The following PACRG variants were observed in gnomAD, a reference collection of about 807,000 sequenced individuals.
PACRG encodes the protein parkin coregulated.
In PACRG, 29 loss-of-function variants were observed where a neutral mutation model predicts 29.7. The ratio of observed to expected loss-of-function variants is 0.98; its 90% CI spans 0.73 to 1.33. The LOEUF (loss-of-function observed/expected upper bound fraction) is 1.33. Ranked by LOEUF, PACRG falls within the 40% of genes most tolerant of loss-of-function variation. The pLI, the probability that PACRG is intolerant of heterozygous loss-of-function variation, is 0.00. For missense variants in PACRG, 279 were observed against 316.2 expected (o/e 0.88, Z 0.89); for synonymous variants, 116 against 118.7 (o/e 0.98, Z 0.15).
At chr6:162,743,175 C>T (rs1208642200) in intron 1 of PACRG, among the ~76,000 whole-genome samples, 1 of 152,100 alleles carries the variant, frequency 6.6e-6, no homozygotes, top group African/African-American at 2.4e-5. Context: ...CTTATTTTGA[C>T]AAATGTCTAT....
At chr6:163,233,293 G>A (rs1782117770) in intron 4 of PACRG, among the ~76,000 whole-genome samples, 1 of 152,210 alleles carries the variant, frequency 6.6e-6, no homozygotes, top group African/African-American at 2.4e-5. Flanking sequence ...AGAGATGGCT[G>A]AACTGATTGA....
At chr6:162,922,153 A>G (rs1300390663) in intron 2 of PACRG, among the ~76,000 whole-genome samples, 1 of 151,268 alleles carries the variant, frequency 6.6e-6, no homozygotes, top group African/African-American at 2.4e-5. Flanking sequence ...TCTCTTAGGA[A>G]TTTCCGCCTT....
intron 3 of PACRG, among the ~76,000 whole-genome samples, chr6:163,078,517 G>A (rs1380322116): frequency 2.0e-5 from 3 of 150,152 alleles, no homozygotes. Context: ...GGGGAGGGGG[G>A]CAATGATGAT....
At chr6:162,941,484 A>G (rs1798627883) in intron 2 of PACRG, among the ~76,000 whole-genome samples, 1 of 152,176 alleles carries the variant, frequency 6.6e-6, no homozygotes, top group African/African-American at 2.4e-5. Flanking sequence ...ATCACAGTGA[A>G]AGGAAATCAG....
intron 1 of PACRG, among the ~76,000 whole-genome samples, chr6:162,787,558 T>TG (rs1554279205): frequency 2.5e-5 from 2 of 78,884 alleles, no homozygotes; most frequent in African/African-American, 5.0e-5. Flanking sequence ...TATATGGTTA[T>TG]TGTGTGTGTG....
intron 4 of PACRG, among the ~76,000 whole-genome samples, chr6:163,299,610 G>A (rs375123554): frequency 5.3e-5 from 8 of 152,348 alleles, no homozygotes; most frequent in Admixed American, 1.3e-4. Flanking sequence ...GGCCGGGCAC[G>A]GTGCTCGTGC....
At chr6:162,792,249 AG>A (rs1480126219) in intron 1 of PACRG, among the ~76,000 whole-genome samples, 1 of 152,090 alleles carries the variant, frequency 6.6e-6, no homozygotes, top group African/African-American at 2.4e-5. Context: ...GGTGAGTGCA[AG>A]GGAGAGATTG....
intron 1 of PACRG, among the ~76,000 whole-genome samples, chr6:162,789,175 GA>G (rs764265650): frequency 1.3e-5 from 2 of 152,264 alleles, no homozygotes; most frequent in South Asian, 2.1e-4. Context: ...AGATCTAAAA[GA>G]ATGGAAAATA....
At chr6:163,237,391 A>G (rs1782291300) in intron 4 of PACRG, among the ~76,000 whole-genome samples, 1 of 152,132 alleles carries the variant, frequency 6.6e-6, no homozygotes, top group Admixed American at 6.5e-5. Context: ...ATGGATTTTT[A>G]TCTTAGCAAG....
intron 4 of PACRG, chr6:163,101,150 C>G: frequency 1.0e-6 from 1 of 984,480 alleles, no homozygotes; most frequent in Non-Finnish European, 1.2e-6. Context: ...AACTCTGCCT[C>G]TGCCCCCGCC....
chr6:162,791,902 C>A (rs971769619), intron 1 of PACRG, among the ~76,000 whole-genome samples: 3 of 152,114 alleles, frequency 2.0e-5, no homozygotes, highest in African/African-American at 7.2e-5. Flanking sequence ...CAGGAGGCTC[C>A]TGTGTGATGT....
intron 2 of PACRG, among the ~76,000 whole-genome samples, chr6:162,867,425 C>T (rs73786120): frequency 0.032 from 4,838 of 152,158 alleles, 262 homozygotes; most frequent in African/African-American, 0.11. Flanking sequence ...CTGTGGGAAA[C>T]ACAGTGGCCT....
rs750025768 is a variant in PACRG at position 163,275,988 on chromosome 6, T to TTTCCTTCCTTCC, written c.614-38827_614-38816dup. ...ATTGCTTTTTTTTTTTATTATTCTC[T>TTTCCTTCCTTCC]TTCCTTCCTTCCTTCCTTCCTTCTT... On this transcript the variant is annotated intron_variant, in intron 4 of 4. Transcript: ENST00000366888. 6.4e-5 allele frequency among the ~76,000 whole-genome samples: 9 copies of TTTCCTTCCTTCC among 139,690 alleles called. 1 individual carries two copies. In the East Asian group the frequency reaches 1.4e-3, roughly 22 times the overall value. The allele number at this position is 139,690 out of a possible 152,430, so 91.6% of individuals were successfully genotyped here. A position where few individuals can be genotyped will look rare whatever the true frequency, so the allele number is the denominator to read the frequency against.
At chr6:163,291,695 T>A (rs1002932066) in intron 4 of PACRG, among the ~76,000 whole-genome samples, 3 of 152,218 alleles carry the variant, frequency 2.0e-5, no homozygotes, top group African/African-American at 7.2e-5. Context: ...AGCACCAACA[T>A]TGCTAGCGCT....
intron 4 of PACRG, among the ~76,000 whole-genome samples, chr6:163,154,697 G>A (rs547137996): frequency 1.1e-3 from 160 of 152,258 alleles, no homozygotes; most frequent in South Asian, 4.8e-3. Context: ...TTAAATATAA[G>A]TATGTGTCAT....
intron 4 of PACRG, among the ~76,000 whole-genome samples, chr6:163,089,806 G>T (rs751171432): frequency 1.3e-5 from 2 of 152,124 alleles, no homozygotes; most frequent in Non-Finnish European, 2.9e-5. Context: ...GGTTTAAGAT[G>T]AATTTTTAAG....
At chr6:162,995,923 T>C (rs1360794089) in intron 2 of PACRG, among the ~76,000 whole-genome samples, 1 of 152,224 alleles carries the variant, frequency 6.6e-6, no homozygotes, top group Non-Finnish European at 1.5e-5. Context: ...CTCTTCGTGA[T>C]CCTGATTTCA....
intron 2 of PACRG, among the ~76,000 whole-genome samples, chr6:162,908,833 A>G (rs2128072424): frequency 6.6e-6 from 1 of 152,276 alleles, no homozygotes; most frequent in Middle Eastern, 3.4e-3. Context: ...ATGGATCTCC[A>G]CAGGAAGCAT....
intron 2 of PACRG, among the ~76,000 whole-genome samples, chr6:162,934,105 A>G (rs1164003803): frequency 6.6e-6 from 1 of 152,076 alleles, no homozygotes; most frequent in Non-Finnish European, 1.5e-5. Flanking sequence ...CTCTACTAAA[A>G]ATACAAAAGA....
Sources: allele counts gnomAD v4.1 joint callset (sites outside exome capture counted in the v4.1 genomes callset), GRCh38; gene constraint gnomAD v4.1.1; transcripts MANE v1.5; gene names NCBI Gene and HGNC (gene_info 2026-07-23, HGNC 2026-07-21).